The following ALMS1 variants were observed in gnomAD, a reference collection of about 807,000 sequenced individuals.
ALMS1 encodes the protein centrosome-associated protein ALMS1.
A neutral mutation model predicts 352.2 loss-of-function variants in ALMS1; 271 were observed. The observed-to-expected ratio is 0.77, with a 90% confidence interval of 0.70 to 0.85. ALMS1 has a LOEUF of 0.85. ALMS1 is among the 40% of genes least tolerant of loss of function. The pLI is 0.00. For missense variants in ALMS1, 5,445 were observed against 4,870.7 expected (o/e 1.12, Z -3.51); for synonymous variants, 1,865 against 1,761.2 (o/e 1.06, Z -1.48).
chr2:73,534,818 C>T lies in ALMS1; in HGVS notation c.9782-6C>T, dbSNP rs1414733616. Reference sequence around the variant, plus strand: ...ATATTAATTGTTCTGATTTTTACCTCCTTAGGCCAGCCTTTATTATTGCCA... The same window carrying T: ...ATATTAATTGTTCTGATTTTTACCTTCTTAGGCCAGCCTTTATTATTGCCA... On this transcript the variant is annotated splice_region_variant and splice_polypyrimidine_tract_variant and intron_variant, in intron 11 of 22. Transcript: ENST00000613296. The T allele has an allele frequency of 5.0e-6, 8 of 1,613,032 alleles. No individual in the cohort carries two copies. The South Asian group carries it at 6.6e-5, about 13-fold the overall frequency.
chr2:73,544,575 G>C (rs1459407449), intron 12 of ALMS1, among the ~76,000 whole-genome samples: 1 of 152,166 alleles, frequency 6.6e-6, no homozygotes, highest in Non-Finnish European at 1.5e-5. Flanking sequence ...CAGGGACATG[G>C]AGAAATTGGA....
chr2:73,436,702 C>T (rs535770920), intron 7 of ALMS1, among the ~76,000 whole-genome samples: 21 of 152,254 alleles, frequency 1.4e-4, no homozygotes, highest in African/African-American at 4.3e-4. Context: ...AGTTACTGTA[C>T]TTTTCAGCCT....
intron 11 of ALMS1, among the ~76,000 whole-genome samples, chr2:73,532,593 T>A (rs1431419676): frequency 6.6e-6 from 1 of 152,032 alleles, no homozygotes; most frequent in East Asian, 1.9e-4. Context: ...CTTGGGTGAA[T>A]GCTTCTAGGC....
chr2:73,496,098 C>T (rs998790277), intron 10 of ALMS1, among the ~76,000 whole-genome samples: 2 of 152,228 alleles, frequency 1.3e-5, no homozygotes, highest in African/African-American at 4.8e-5. Context: ...TGCATTCCAT[C>T]TTTGCCTCAT....
intron 9 of ALMS1, among the ~76,000 whole-genome samples, chr2:73,476,205 T>C (rs1165286856): frequency 6.6e-6 from 1 of 152,106 alleles, no homozygotes; most frequent in Non-Finnish European, 1.5e-5. Context: ...AATTCACCCA[T>C]GTTGTACTAT....
chr2:73,503,396 A>G (rs191113184), intron 10 of ALMS1, among the ~76,000 whole-genome samples: 8 of 152,102 alleles, frequency 5.3e-5, no homozygotes, highest in African/African-American at 9.6e-5. Context: ...ATGATTTCCA[A>G]TTTTATCCAT....
At position 73,490,448 on chromosome 2, in the gene ALMS1, G is replaced by T; in HGVS notation, c.8489G>T (p.Cys2830Phe). The change falls in exon 10 of 23, where the codon TGT becomes TTT. Residue 2830 changes from cysteine (C) to phenylalanine (F), a missense_variant. By Grantham distance (205) the Cys-to-Phe change is radical. Transcript: ENST00000613296. ...SHSEPSTRAN[C>F]SNFKEIQISD... is the part of the protein sequence containing the mutation. Reference sequence around the variant, plus strand: ...TCTGAGCCCAGTACCAGGGCAAATTGTAGCAATTTCAAGGAAATTCAGATT... The same window carrying T: ...TCTGAGCCCAGTACCAGGGCAAATTTTAGCAATTTCAAGGAAATTCAGATT... 1 of 1,614,144 alleles carries T rather than the reference G, an allele frequency of 6.2e-7. No individual in the cohort carries two copies. The highest frequency in any genetic ancestry group is 8.5e-7 in the Non-Finnish European group (1 of 1,180,028).
intron 10 of ALMS1, among the ~76,000 whole-genome samples, chr2:73,516,479 A>C (rs1291206535): frequency 6.6e-6 from 1 of 152,230 alleles, no homozygotes; most frequent in Non-Finnish European, 1.5e-5. Flanking sequence ...ATTCTACTGA[A>C]AAAACACATA....
intron 9 of ALMS1, among the ~76,000 whole-genome samples, chr2:73,455,684 G>A (rs1018232352): frequency 6.6e-6 from 1 of 152,234 alleles, no homozygotes; most frequent in Admixed American, 6.5e-5. Flanking sequence ...TTACAGGCAT[G>A]AGCCACTGTG....
intron 9 of ALMS1, among the ~76,000 whole-genome samples, chr2:73,468,682 G>C (rs1460804391): frequency 6.6e-6 from 1 of 151,892 alleles, no homozygotes; most frequent in Non-Finnish European, 1.5e-5. Flanking sequence ...TTAGCCTCAT[G>C]TGGTTCATCC....
At chr2:73,532,399 C>T (rs1673932817) in intron 11 of ALMS1, among the ~76,000 whole-genome samples, 1 of 152,160 alleles carries the variant, frequency 6.6e-6, no homozygotes, top group Non-Finnish European at 1.5e-5. Flanking sequence ...AAGTCAGAAA[C>T]CTTAGTGCTT....
chr2:73,540,821 T>G (rs1187541547), intron 12 of ALMS1, among the ~76,000 whole-genome samples: 1 of 152,208 alleles, frequency 6.6e-6, no homozygotes, highest in East Asian at 1.9e-4. Flanking sequence ...CAAGAAGAGC[T>G]AACTATCCTA....
chr2:73,422,196 C>G (rs1480794581), intron 3 of ALMS1, among the ~76,000 whole-genome samples: 2 of 151,984 alleles, frequency 1.3e-5, no homozygotes, highest in Non-Finnish European at 2.9e-5. Context: ...TTTACTTAAA[C>G]AATTCTATAA....
intron 1 of ALMS1, among the ~76,000 whole-genome samples, chr2:73,406,873 T>C (rs1852645): frequency 0.88 from 133,369 of 152,158 alleles, 58,549 homozygotes; most frequent in Admixed American, 0.92. Context: ...GTGATCCACT[T>C]GCCTTGCCTC....
At chr2:73,573,900 T>A (rs1484781282) in intron 16 of ALMS1, among the ~76,000 whole-genome samples, 1 of 151,832 alleles carries the variant, frequency 6.6e-6, no homozygotes, top group Non-Finnish European at 1.5e-5. Context: ...AAATTGAAGC[T>A]GGGGTGAGCT....
At chr2:73,527,642 T>C (rs1673819516) in intron 11 of ALMS1, among the ~76,000 whole-genome samples, 1 of 152,080 alleles carries the variant, frequency 6.6e-6, no homozygotes, top group South Asian at 2.1e-4. Context: ...TTTATTTACA[T>C]GAGTCTTCTA....
intron 3 of ALMS1, among the ~76,000 whole-genome samples, chr2:73,421,829 G>A (rs1321305036): frequency 1.3e-5 from 2 of 152,124 alleles, no homozygotes; most frequent in Non-Finnish European, 2.9e-5. Context: ...AGTAATTTCA[G>A]GGGGAACAGT....
At chr2:73,550,870 C>T (rs1674417442) in intron 13 of ALMS1, among the ~76,000 whole-genome samples, 1 of 151,494 alleles carries the variant, frequency 6.6e-6, no homozygotes, top group Non-Finnish European at 1.5e-5. Flanking sequence ...AAGACAGGGT[C>T]TCACTCTGTC....
chr2:73,476,446 C>A (rs1224177038), intron 9 of ALMS1, among the ~76,000 whole-genome samples: 2 of 152,024 alleles, frequency 1.3e-5, no homozygotes, highest in African/African-American at 4.8e-5. Context: ...TACAGTCATT[C>A]TACTTTTAAG....
Sources: gnomAD v4.1 joint callset for allele counts (sites outside exome capture counted in the v4.1 genomes callset) on GRCh38, gnomAD v4.1.1 for gene constraint, MANE v1.5 for transcripts, NCBI Gene and HGNC (gene_info 2026-07-23, HGNC 2026-07-21) for gene names.